PCDHA9: variants seen among roughly 807,000 people sequenced by gnomAD.
PCDHA9 encodes protocadherin alpha 9, also known as protocadherin alpha-9.
A neutral mutation model predicts 62.0 loss-of-function variants in PCDHA9; 62 were observed. The ratio of observed to expected loss-of-function variants is 1.00; its 90% CI spans 0.81 to 1.23. PCDHA9 has a LOEUF of 1.23. Ranked by LOEUF, PCDHA9 falls within the 50% of genes most tolerant of loss-of-function variation. PCDHA9 has a pLI of 0.00. For synonymous variants in PCDHA9, 557 were observed against 567.6 expected, an observed-to-expected ratio of 0.98 and a Z score of 0.27; for missense variants, 1,205 against 1,249.8, an observed-to-expected ratio of 0.96 and a Z score of 0.54.
chr5:140,870,207 T>G, intron 1 of PCDHA9: 1 of 1,614,156 alleles, frequency 6.2e-7, no homozygotes, highest in Non-Finnish European at 8.5e-7. Flanking sequence ...GCACGGTCAT[T>G]GCCCTGATCA....
intron 1 of PCDHA9, chr5:140,870,150 C>T (rs2051709522): frequency 6.2e-7 from 1 of 1,614,098 alleles, no homozygotes; most frequent in Non-Finnish European, 8.5e-7. Context: ...CTCCTGAAGT[C>T]GCCGTGACTT....
chr5:140,888,597 C>A (rs1474772423), intron 1 of PCDHA9, among the ~76,000 whole-genome samples: 3 of 152,216 alleles, frequency 2.0e-5, no homozygotes, highest in African/African-American at 7.2e-5. Flanking sequence ...ACATTCAGAG[C>A]AGCTTTTAGT....
chr5:140,917,324 C>CGGGGGGG (rs1299895515), intron 1 of PCDHA9, among the ~76,000 whole-genome samples: 2 of 76,152 alleles, frequency 2.6e-5, no homozygotes, highest in African/African-American at 4.3e-5. Flanking sequence ...GTTCATGTGG[C>CGGGGGGG]GGGGGAGGGG....
At position 140,875,798 on chromosome 5, in the gene PCDHA9, T is replaced by C. The variant is rs377753022; in HGVS notation, c.2394+24909T>C. On this transcript the variant is annotated intron_variant, in intron 1 of 3. Coordinates refer to ENST00000532602, the MANE Select transcript of PCDHA9 (RefSeq NM_031857.2). ...GAGTGCAGTATCCACCTGGAGGTGATCGTGGACAGGCCGCTGCAGGTTTTC... is the reference window on the plus strand; with the variant it reads ...GAGTGCAGTATCCACCTGGAGGTGACCGTGGACAGGCCGCTGCAGGTTTTC... 1.5e-5 allele frequency: 24 copies of C among 1,614,138 alleles called. No individual in the cohort carries two copies. In the African/African-American group the frequency reaches 3.1e-4, roughly 21 times the overall value.
At chr5:140,985,075 C>G (rs1477852280) in intron 3 of PCDHA9, among the ~76,000 whole-genome samples, 2 of 151,968 alleles carry the variant, frequency 1.3e-5, no homozygotes, top group Non-Finnish European at 2.9e-5. Context: ...GTAGCTGAGA[C>G]TACAGGCGTG....
intron 1 of PCDHA9, chr5:140,858,198 C>T (rs1418909754): frequency 1.9e-6 from 3 of 1,597,294 alleles, no homozygotes; most frequent in African/African-American, 2.7e-5. Flanking sequence ...CTGCTGTACA[C>T]TGCACTGAGG....
intron 1 of PCDHA9, among the ~76,000 whole-genome samples, chr5:140,855,207 A>G (rs1554147686): frequency 6.7e-6 from 1 of 149,928 alleles, no homozygotes; most frequent in East Asian, 1.9e-4. Flanking sequence ...AATAGTTTCC[A>G]TTTATGAAGC....
chr5:140,933,902 A>C (rs1285587221), intron 1 of PCDHA9, among the ~76,000 whole-genome samples: 2 of 151,892 alleles, frequency 1.3e-5, no homozygotes, highest in African/African-American at 2.4e-5. Flanking sequence ...ATATTTTGGC[A>C]TAAAGTTGTT....
chr5:140,883,222 A>T lies in PCDHA9; in HGVS notation c.2394+32333A>T, dbSNP rs1164969110. ...TCGAAGAAAAGAAATTATATGAAATATCCGTGGAGGCAGTTGACAAAGGAA... is the reference window on the plus strand; with the variant it reads ...TCGAAGAAAAGAAATTATATGAAATTTCCGTGGAGGCAGTTGACAAAGGAA... On this transcript the variant is annotated intron_variant, in intron 1 of 3. Transcript: ENST00000532602. 8.7e-6 allele frequency: 14 copies of T among 1,613,970 alleles called. No homozygotes were observed. The African/African-American group carries it at 1.7e-4, about 20-fold the overall frequency.
At chr5:140,871,677 T>C in intron 1 of PCDHA9, 1 of 1,122,130 alleles carries the variant, frequency 8.9e-7, no homozygotes, top group Non-Finnish European at 1.2e-6. Flanking sequence ...TTTAATCATA[T>C]GAATAATCTG....
intron 3 of PCDHA9, among the ~76,000 whole-genome samples, chr5:140,991,246 AT>A (rs1239917412): frequency 6.6e-6 from 1 of 152,206 alleles, no homozygotes; most frequent in African/African-American, 2.4e-5. Context: ...TAAAGGCAGT[AT>A]TTGAACTCAT....
intron 1 of PCDHA9, among the ~76,000 whole-genome samples, chr5:140,897,549 T>C (rs1356591020): frequency 2.6e-5 from 4 of 152,140 alleles, no homozygotes; most frequent in African/African-American, 7.2e-5. Flanking sequence ...TAGTCTTCCA[T>C]GGTGTATATG....
rs1354913404 is a variant in PCDHA9 at position 140,858,709 on chromosome 5, A to G, written c.2394+7820A>G. 5 of 545,256 alleles carry G rather than the reference A, an allele frequency of 9.2e-6. 1 individual carries two copies. The African/African-American group carries it at 9.7e-5, about 11-fold the overall frequency. The allele number at this position is 545,256 out of a possible 1,614,324, so 33.8% of individuals were successfully genotyped here. A position where few individuals can be genotyped will look rare whatever the true frequency, so the allele number is the denominator to read the frequency against. ...ATATTTTCCAATACAAATATGTGATATAGGTTGCAGTTCTGACGATTTACT... is the reference window on the plus strand; with the variant it reads ...ATATTTTCCAATACAAATATGTGATGTAGGTTGCAGTTCTGACGATTTACT... On this transcript the variant is annotated intron_variant, in intron 1 of 3. Transcript: ENST00000532602.
At chr5:140,877,812 A>AGT (rs1199623134) in intron 1 of PCDHA9, 1 of 1,610,228 alleles carries the variant, frequency 6.2e-7, no homozygotes, top group East Asian at 2.2e-5. Context: ...AGCTGTCTCG[A>AGT]GAAGATTGTT....
At position 141,009,762 on chromosome 5, in the gene PCDHA9, C is replaced by G. The variant is rs2154001658; in HGVS notation, c.2678C>G (p.Ser893Cys). Reference sequence around the variant, plus strand: ...CCCGACAAATTCATTATCCCAGGATCTCCTGCAATCATCTCCATCCGGCAG... The same window carrying G: ...CCCGACAAATTCATTATCCCAGGATGTCCTGCAATCATCTCCATCCGGCAG... Reference protein sequence around the residue: ...ELPDKFIIPGSPAIISIRQEP... With the variant: ...ELPDKFIIPGCPAIISIRQEP... The change falls in exon 4 of 4, where the codon TCT becomes TGT. Residue 893 changes from serine (S) to cysteine (C), a missense_variant. Coordinates refer to ENST00000532602, the MANE Select transcript of PCDHA9 (RefSeq NM_031857.2). 5 of 1,614,180 alleles carry G rather than the reference C, an allele frequency of 3.1e-6. No homozygotes were observed. In the East Asian group the frequency reaches 1.1e-4, roughly 36 times the overall value.
In PCDHA9 at chr5:140,870,432, G is replaced by A. The variant is rs368823990; in HGVS notation, c.2394+19543G>A. On this transcript the variant is annotated intron_variant, in intron 1 of 3. Transcript: ENST00000532602. ...GGGCCACGGCCAGGGTATCCGTGGAGGTGGCCGACGTGAACGACAATGCGC... is the reference window on the plus strand; with the variant it reads ...GGGCCACGGCCAGGGTATCCGTGGAAGTGGCCGACGTGAACGACAATGCGC... 721 of 1,614,252 alleles carry A rather than the reference G, an allele frequency of 4.5e-4. 4 individuals carry two copies. In the African/African-American group the frequency reaches 8.4e-3, roughly 19 times the overall value.
chr5:140,870,566 T>C (rs1554164425), intron 1 of PCDHA9: 7 of 1,613,980 alleles, frequency 4.3e-6, no homozygotes, highest in Admixed American at 3.3e-5. Flanking sequence ...GAGAACGCGC[T>C]GGTGTCCTAC....
At chr5:140,867,118 T>C (rs2049765139) in intron 1 of PCDHA9, 1 of 152,172 alleles carries the variant, frequency 6.6e-6, no homozygotes, top group Admixed American at 6.5e-5. Context: ...CATATTGTTT[T>C]AATTCAAATA....
In PCDHA9 at chr5:140,853,829, C is replaced by T. The variant is rs782020407; in HGVS notation, c.2394+2940C>T. 4.9e-5 allele frequency: 48 copies of T among 986,432 alleles called. 3 individuals carry two copies. Among genetic ancestry groups the T allele is most frequent in the Non-Finnish European group, 5.4e-5 (44 of 818,590 alleles). The allele number at this position is 986,432 out of a possible 1,614,324, so 61.1% of individuals were successfully genotyped here. A position where few individuals can be genotyped will look rare whatever the true frequency, so the allele number is the denominator to read the frequency against. ...ACACCTGAGATGATTCTCATACAACCGAAATTTTAGATCCATAGCCCTATT... is the reference window on the plus strand; with the variant it reads ...ACACCTGAGATGATTCTCATACAACTGAAATTTTAGATCCATAGCCCTATT... On this transcript the variant is annotated intron_variant, in intron 1 of 3. Coordinates refer to ENST00000532602, the MANE Select transcript of PCDHA9 (RefSeq NM_031857.2).
Sources: gnomAD v4.1 joint callset for allele counts (sites outside exome capture counted in the v4.1 genomes callset) on GRCh38, gnomAD v4.1.1 for gene constraint, MANE v1.5 for transcripts, NCBI Gene and HGNC (gene_info 2026-07-23, HGNC 2026-07-21) for gene names.